The following PDE4D variants were observed in gnomAD, a reference collection of about 807,000 sequenced individuals.
The protein encoded by PDE4D is phosphodiesterase 4D.
Under a neutral mutation model 87.4 loss-of-function variants are expected in PDE4D, and 24 were observed. The ratio of observed to expected loss-of-function variants is 0.27; its 90% CI spans 0.20 to 0.39. The LOEUF (loss-of-function observed/expected upper bound fraction) is 0.39, where lower values mean the gene tolerates loss of function less well. PDE4D is among the 10% of genes least tolerant of loss of function. The pLI, the probability that PDE4D is intolerant of heterozygous loss-of-function variation, is 1.00. For missense variants in PDE4D, 714 were observed against 1,041.0 expected (o/e 0.69, Z 4.32); for synonymous variants, 384 against 383.2 (o/e 1.00, Z -0.02).
intron 1 of PDE4D, among the ~76,000 whole-genome samples, chr5:59,877,270 G>T (rs746156163): frequency 5.3e-5 from 8 of 152,244 alleles, no homozygotes; most frequent in Non-Finnish European, 8.8e-5. Context: ...GGCTTGTTAA[G>T]TGTGATTAAC....
At chr5:59,590,143 C>T (rs1825717486) in intron 1 of PDE4D, among the ~76,000 whole-genome samples, 1 of 152,068 alleles carries the variant, frequency 6.6e-6, no homozygotes, top group Admixed American at 6.6e-5. Flanking sequence ...TCATTTCCAG[C>T]ATTTTATTCC....
intron 2 of PDE4D, among the ~76,000 whole-genome samples, chr5:60,046,273 C>A (rs1769232998): frequency 6.6e-6 from 1 of 152,138 alleles, no homozygotes; most frequent in African/African-American, 2.4e-5. Context: ...TGGGCTGAGA[C>A]AATGGGGTTT....
chr5:60,056,216 C>G (rs1232837673), intron 2 of PDE4D, among the ~76,000 whole-genome samples: 2 of 151,984 alleles, frequency 1.3e-5, no homozygotes, highest in Non-Finnish European at 2.9e-5. Flanking sequence ...TGAATGAACC[C>G]ATCGCAGCAT....
intron 2 of PDE4D, among the ~76,000 whole-genome samples, chr5:60,097,265 T>TTGTGTGTGTG (rs57591657): frequency 9.6e-5 from 14 of 146,572 alleles, no homozygotes; most frequent in African/African-American, 2.2e-4. Context: ...TGCTATGAAG[T>TTGTGTGTGTG]TGTGTGTGTG....
intron 1 of PDE4D, among the ~76,000 whole-genome samples, chr5:59,794,159 A>G (rs995195418): frequency 1.3e-5 from 2 of 150,504 alleles, no homozygotes; most frequent in African/African-American, 5.0e-5. Context: ...ACACACACAC[A>G]CACACACACA....
intron 1 of PDE4D, among the ~76,000 whole-genome samples, chr5:59,758,765 C>T (rs1214147869): frequency 6.6e-6 from 1 of 152,098 alleles, no homozygotes; most frequent in Non-Finnish European, 1.5e-5. Context: ...CCTGTTTTTA[C>T]CCATGTAGCA....
intron 5 of PDE4D, among the ~76,000 whole-genome samples, chr5:59,042,159 A>C (rs1759793861): frequency 6.6e-6 from 1 of 152,246 alleles, no homozygotes; most frequent in African/African-American, 2.4e-5. Flanking sequence ...TGCTCAAATA[A>C]AGAATTATTC....
chr5:59,955,779 C>G (rs1331104695), intron 3 of PDE4D, among the ~76,000 whole-genome samples: 1 of 152,160 alleles, frequency 6.6e-6, no homozygotes, highest in Non-Finnish European at 1.5e-5. Flanking sequence ...AACCCTCCCT[C>G]CCTCCTGCCC....
chr5:59,350,044 C>T (rs1188352573), intron 1 of PDE4D, among the ~76,000 whole-genome samples: 1 of 152,126 alleles, frequency 6.6e-6, no homozygotes, highest in East Asian at 1.9e-4. Flanking sequence ...ATAATGCATT[C>T]TACAAAAATG....
rs540162920 is a variant in PDE4D at position 60,153,982 on chromosome 5, ATTATT to A, written c.42+31570_42+31574del. On this transcript the variant is annotated intron_variant, in intron 2 of 16. Transcript: ENST00000502484. Reference sequence around the variant, plus strand: ...TTACAATACTGTATTGTCTACTTAAATTATTTTAAGATTGTAGATCTCAATTTAAA... The same window carrying A: ...TTACAATACTGTATTGTCTACTTAAATTAAGATTGTAGATCTCAATTTAAA... 1.1e-3 allele frequency among the ~76,000 whole-genome samples: 175 copies of A among 152,316 alleles called. 1 individual carries two copies. Among genetic ancestry groups the A allele is most frequent in the African/African-American group, 4.1e-3 (170 of 41,578 alleles).
chr5:60,333,813 C>G (rs931074929), intron 1 of PDE4D, among the ~76,000 whole-genome samples: 1 of 152,060 alleles, frequency 6.6e-6, no homozygotes, highest in Non-Finnish European at 1.5e-5. Context: ...TTTCCACAAG[C>G]AAACTTCAGG....
In PDE4D at chr5:59,888,108, C is replaced by T. The variant is rs140711075; in HGVS notation, c.455+5060G>A. 1.5e-3 allele frequency among the ~76,000 whole-genome samples: 225 copies of T among 152,322 alleles called. 4 individuals are homozygous for T. Among genetic ancestry groups the T allele is most frequent in the African/African-American group, 5.1e-3 (214 of 41,572 alleles). The stretch of plus-strand genomic sequence containing the variant: ...TTTAAGCCTCAGTCCCTTCTCTTCT[C>T]GACATTCCATAATCTTAGAGAAATA... On this transcript the variant is annotated intron_variant, in intron 1 of 14. Coordinates refer to ENST00000340635, the MANE Select transcript of PDE4D (RefSeq NM_001104631.2).
chr5:59,423,187 G>A (rs1032352566), intron 1 of PDE4D, among the ~76,000 whole-genome samples: 2 of 152,240 alleles, frequency 1.3e-5, no homozygotes, highest in African/African-American at 4.8e-5. Context: ...CTTCATTCAT[G>A]TGGTTCTCAG....
At chr5:59,212,640 G>C (rs1043639234) in intron 2 of PDE4D, among the ~76,000 whole-genome samples, 8 of 151,808 alleles carry the variant, frequency 5.3e-5, no homozygotes, top group Non-Finnish European at 1.0e-4. Context: ...TTACTAACTG[G>C]AGTAGAATGT....
chr5:59,718,589 C>A (rs530494524), intron 1 of PDE4D, among the ~76,000 whole-genome samples: 1 of 152,066 alleles, frequency 6.6e-6, no homozygotes, highest in Non-Finnish European at 1.5e-5. Flanking sequence ...TTCTTCAGGG[C>A]CCTCATAAAA....
intron 1 of PDE4D, chr5:60,430,019 G>A (rs963014440): frequency 4.6e-5 from 24 of 521,698 alleles, no homozygotes; most frequent in Non-Finnish European, 6.9e-5. Context: ...CTGGACAACC[G>A]AACATGGATA....
intron 2 of PDE4D, chr5:59,215,553 G>A (rs775483857): frequency 1.4e-4 from 7 of 51,208 alleles, no homozygotes; most frequent in East Asian, 7.8e-4. Flanking sequence ...AAATACATGC[G>A]TGTGTGTGTG....
intron 1 of PDE4D, among the ~76,000 whole-genome samples, chr5:59,878,485 T>C (rs1342673831): frequency 6.6e-6 from 1 of 152,170 alleles, no homozygotes; most frequent in Non-Finnish European, 1.5e-5. Flanking sequence ...TTACTTACTA[T>C]TTTTTCAAAT....
chr5:59,563,486 C>T (rs575571880), intron 1 of PDE4D, among the ~76,000 whole-genome samples: 6 of 152,312 alleles, frequency 3.9e-5, no homozygotes, highest in African/African-American at 1.2e-4. Context: ...GGAAAGGACC[C>T]TTACAGGTTG....
Sources: gnomAD v4.1 joint callset for allele counts (sites outside exome capture counted in the v4.1 genomes callset) on GRCh38, gnomAD v4.1.1 for gene constraint, MANE v1.5 for transcripts, NCBI Gene and HGNC (gene_info 2026-07-23, HGNC 2026-07-21) for gene names.